The following ATP8A2 variants were observed in gnomAD, a reference collection of about 807,000 sequenced individuals.
The protein encoded by ATP8A2 is phospholipid-transporting ATPase IB.
ATP8A2 carries 100 observed loss-of-function variants against 165.6 expected under a neutral mutation model. The ratio of observed to expected loss-of-function variants is 0.60; its 90% confidence interval spans 0.51 to 0.71. The LOEUF is 0.71. Ranked by LOEUF, ATP8A2 falls within the 30% of genes least tolerant of loss-of-function variation. The probability of loss-of-function intolerance (pLI) is 0.00; values close to 1 mark genes in which losing one functional copy is unlikely to be tolerated. For synonymous variants in ATP8A2, 543 were observed against 548.8 expected, an observed-to-expected ratio of 0.99 and a Z score of 0.15; for missense variants, 1,227 against 1,479.5, an observed-to-expected ratio of 0.83 and a Z score of 2.80.
chr13:25,465,669 TTCTTTC>T (rs1566152958), intron 1 of ATP8A2, among the ~76,000 whole-genome samples: 1 of 10,356 alleles, frequency 9.7e-5, no homozygotes, highest in African/African-American at 3.6e-4. Context: ...AGAGTTTTCT[TTCTTTC>T]TTTCTTTCTT....
chr13:25,465,668 T>C (rs949234723), intron 1 of ATP8A2, among the ~76,000 whole-genome samples: 2 of 4,242 alleles, frequency 4.7e-4, no homozygotes, highest in African/African-American at 1.1e-3. Flanking sequence ...CAGAGTTTTC[T>C]TTCTTTCTTT....
chr13:25,711,272 T>C (rs2043152961), intron 25 of ATP8A2, among the ~76,000 whole-genome samples: 1 of 152,192 alleles, frequency 6.6e-6, no homozygotes, highest in Non-Finnish European at 1.5e-5. Context: ...CCCAGAGTGC[T>C]GGGATTACAG....
intron 1 of ATP8A2, among the ~76,000 whole-genome samples, chr13:25,387,456 G>A (rs911688410): frequency 6.6e-6 from 1 of 151,972 alleles, no homozygotes; most frequent in African/African-American, 2.4e-5. Context: ...CTCTTGGTGG[G>A]GTTCACCTGC....
intron 33 of ATP8A2, among the ~76,000 whole-genome samples, chr13:25,923,347 C>T (rs1315191744): frequency 1.3e-5 from 2 of 152,116 alleles, no homozygotes; most frequent in East Asian, 1.9e-4. Context: ...GCCAGCACAC[C>T]GCAAGACATT....
intron 13 of ATP8A2, among the ~76,000 whole-genome samples, chr13:25,555,611 T>TTTAA (rs1348247604): frequency 1.3e-5 from 2 of 149,502 alleles, no homozygotes; most frequent in Non-Finnish European, 3.0e-5. Flanking sequence ...TTTTTAAATG[T>TTTAA]TTAATTTAAT....
intron 2 of ATP8A2, among the ~76,000 whole-genome samples, chr13:25,470,465 A>C (rs1403117137): frequency 1.3e-5 from 2 of 152,206 alleles, no homozygotes; most frequent in Admixed American, 6.5e-5. Flanking sequence ...TGGTATCCTC[A>C]TGCATTACTG....
intron 34 of ATP8A2, among the ~76,000 whole-genome samples, chr13:25,963,496 A>G (rs1203647157): frequency 6.6e-6 from 1 of 152,214 alleles, no homozygotes; most frequent in African/African-American, 2.4e-5. Flanking sequence ...ATTGTGACAC[A>G]ATCTAGTCCC....
At chr13:25,888,068 AC>A (rs71080210) in intron 33 of ATP8A2, among the ~76,000 whole-genome samples, 6,589 of 105,330 alleles carry the variant, frequency 0.063, 183 homozygotes, top group African/African-American at 0.16. Context: ...AAGAACCCAG[AC>A]CCCCCCCCCG....
chr13:25,620,460 A>T (rs1343241599), intron 24 of ATP8A2, among the ~76,000 whole-genome samples: 1 of 152,182 alleles, frequency 6.6e-6, no homozygotes, highest in Non-Finnish European at 1.5e-5. Context: ...GGAAATTTTA[A>T]AGGTTGCATG....
chr13:25,407,975 A>G (rs1221950987), intron 1 of ATP8A2, among the ~76,000 whole-genome samples: 1 of 151,964 alleles, frequency 6.6e-6, no homozygotes, highest in African/African-American at 2.4e-5. Flanking sequence ...GGGGCTTAAA[A>G]CCTCGATGAC....
chr13:25,746,037 G>A (rs1194268080), intron 25 of ATP8A2, among the ~76,000 whole-genome samples: 2 of 152,224 alleles, frequency 1.3e-5, no homozygotes, highest in East Asian at 1.9e-4. Context: ...TTGATCTGCA[G>A]TGAGCCTCTG....
chr13:25,685,004 T>C (rs1045223623), intron 24 of ATP8A2, among the ~76,000 whole-genome samples: 1 of 152,242 alleles, frequency 6.6e-6, no homozygotes, highest in African/African-American at 2.4e-5. Context: ...CTGAGAAGAA[T>C]GTATTAATGT....
chr13:25,515,256 G>A (rs2037429526), intron 2 of ATP8A2, among the ~76,000 whole-genome samples: 1 of 152,192 alleles, frequency 6.6e-6, no homozygotes, highest in African/African-American at 2.4e-5. Flanking sequence ...TCCCACTGCT[G>A]GTGTTGGAGT....
intron 1 of ATP8A2, among the ~76,000 whole-genome samples, chr13:25,455,364 A>T (rs1227720290): frequency 1.3e-5 from 2 of 152,338 alleles, no homozygotes; most frequent in South Asian, 4.1e-4. Flanking sequence ...GCACCTTTCC[A>T]TCAGGGTTCT....
chr13:25,382,815 G>T (rs1421292240), intron 1 of ATP8A2, among the ~76,000 whole-genome samples: 6 of 151,702 alleles, frequency 4.0e-5, no homozygotes, highest in African/African-American at 4.8e-5. Context: ...GAGTGCAGTG[G>T]CACGATCTCA....
chr13:25,948,570 A>G (rs1955269956), intron 33 of ATP8A2, among the ~76,000 whole-genome samples: 2 of 152,132 alleles, frequency 1.3e-5, no homozygotes, highest in Admixed American at 6.6e-5. Context: ...TTCAAATCCC[A>G]GAGTTGCAGC....
chr13:25,699,027 A>G (rs1366929813), intron 24 of ATP8A2, 146 bp from the exon 25 acceptor site: 8 of 573,286 alleles, frequency 1.4e-5, no homozygotes, highest in Non-Finnish European at 2.0e-5. Context: ...TGAAATTTTA[A>G]TGTATAAATG....
At chr13:25,647,305 G>C (rs899910742) in intron 24 of ATP8A2, among the ~76,000 whole-genome samples, 8 of 152,090 alleles carry the variant, frequency 5.3e-5, no homozygotes, top group African/African-American at 1.9e-4. Context: ...AACTTCCTTA[G>C]CTTTTGTTTG....
At chr13:25,677,179 C>G (rs1253983141) in intron 24 of ATP8A2, among the ~76,000 whole-genome samples, 1 of 152,162 alleles carries the variant, frequency 6.6e-6, no homozygotes, top group Non-Finnish European at 1.5e-5. Context: ...CTCTGCTAGC[C>G]ACATGGGGCT....
Sources: gnomAD v4.1 joint callset for allele counts (sites outside exome capture counted in the v4.1 genomes callset) on GRCh38, gnomAD v4.1.1 for gene constraint, MANE v1.5 for transcripts, NCBI Gene and HGNC (gene_info 2026-07-23, HGNC 2026-07-21) for gene names.